Variants in CARMIL1 observed in about 807,000 individuals in gnomAD.
CARMIL1 encodes F-actin-uncapping protein LRRC16A.
A neutral mutation model predicts 177.1 loss-of-function variants in CARMIL1; 90 were observed. The ratio of observed to expected loss-of-function variants is 0.51; its 90% CI spans 0.43 to 0.61. The LOEUF is 0.61. CARMIL1 is among the 20% of genes least tolerant of loss of function. The pLI is 0.00. For synonymous variants in CARMIL1, 577 were observed against 606.2 expected (o/e 0.95, Z 0.71); for missense variants, 1,380 against 1,667.0 (o/e 0.83, Z 3.00).
At chr6:25,610,781 C>A (rs1042993047) in intron 36 of CARMIL1, among the ~76,000 whole-genome samples, 1 of 152,178 alleles carries the variant, frequency 6.6e-6, no homozygotes, top group Non-Finnish European at 1.5e-5. Context: ...TGCTTTCTTC[C>A]CAAATCAGAC....
chr6:25,444,247 C>T (rs1798016269), intron 5 of CARMIL1, among the ~76,000 whole-genome samples: 1 of 151,898 alleles, frequency 6.6e-6, no homozygotes, highest in South Asian at 2.1e-4. Context: ...AGTCAATTGT[C>T]TTCAGCCCTC....
chr6:25,600,771 C>A (rs1815322441), intron 33 of CARMIL1, 25 bp downstream of exon 33: 3 of 1,449,116 alleles, frequency 2.1e-6, no homozygotes, highest in Non-Finnish European at 1.8e-6. Flanking sequence ...ATTTTTAATT[C>A]ATTCATTTAT....
At chr6:25,291,970 C>T (rs921862230) in intron 2 of CARMIL1, among the ~76,000 whole-genome samples, 4 of 152,212 alleles carry the variant, frequency 2.6e-5, no homozygotes, top group Non-Finnish European at 4.4e-5. Flanking sequence ...GTTATCCTGG[C>T]AGCACAGTGT....
At chr6:25,585,967 C>A (rs994015707) in intron 31 of CARMIL1, among the ~76,000 whole-genome samples, 2 of 152,224 alleles carry the variant, frequency 1.3e-5, no homozygotes, top group Non-Finnish European at 2.9e-5. Flanking sequence ...GACACAGCAA[C>A]AATCTGATTT....
At chr6:25,418,344 T>C (rs1337581600) in intron 2 of CARMIL1, among the ~76,000 whole-genome samples, 1 of 152,190 alleles carries the variant, frequency 6.6e-6, no homozygotes, top group African/African-American at 2.4e-5. Context: ...TTTCCCTGCA[T>C]TGGGTTAATG....
intron 2 of CARMIL1, among the ~76,000 whole-genome samples, chr6:25,316,073 CG>C (rs2150223457): frequency 6.6e-6 from 1 of 152,274 alleles, no homozygotes; most frequent in Non-Finnish European, 1.5e-5. Flanking sequence ...TTAGTAATGA[CG>C]TTGGTGCTGA....
At chr6:25,377,063 C>T (rs946298748) in intron 2 of CARMIL1, among the ~76,000 whole-genome samples, 1 of 152,206 alleles carries the variant, frequency 6.6e-6, no homozygotes, top group South Asian at 2.1e-4. Context: ...GACTGTACCC[C>T]TCATCCAAGC....
At chr6:25,284,714 A>T in intron 1 of CARMIL1, 98 bp from the exon 2 acceptor site, 2 of 693,038 alleles carry the variant, frequency 2.9e-6, no homozygotes, top group South Asian at 3.6e-5. Flanking sequence ...GTCTCAAAAG[A>T]CAACAACAGT....
In CARMIL1 at chr6:25,620,219, T is replaced by G. The variant is rs1276604354; in HGVS notation, c.*636T>G. 1 of 152,510 alleles carries G rather than the reference T, an allele frequency of 6.6e-6. No individual in the cohort carries two copies. The highest frequency in any genetic ancestry group is 1.9e-4 in the East Asian group (1 of 5,200). The allele number at this position is 152,510 out of a possible 1,614,324, so 9.4% of individuals were successfully genotyped here. A position where few individuals can be genotyped will look rare whatever the true frequency, so the allele number is the denominator to read the frequency against. On this transcript the variant is annotated 3_prime_UTR_variant, in exon 37 of 37. Coordinates refer to ENST00000329474, the MANE Select transcript of CARMIL1 (RefSeq NM_017640.6). ...TACATTTAAAGCTTGGTCGGTGACC[T>G]TTGCATACCATCAACGAGCACAGCT...
intron 2 of CARMIL1, among the ~76,000 whole-genome samples, chr6:25,406,651 G>A (rs185167213): frequency 6.6e-6 from 1 of 152,228 alleles, no homozygotes; most frequent in Admixed American, 6.5e-5. Flanking sequence ...CTTGGAGAAT[G>A]ACTAAGATAG....
At position 25,458,941 on chromosome 6, in the gene CARMIL1, TC is replaced by T. The variant is rs1799767099; in HGVS notation, c.615-6930del. ...GCTATTTTCATATGCTTAAAGGTCT[TC>T]CTTTTTTTTAAATGAACAATTATCT... On this transcript the variant is annotated intron_variant, in intron 8 of 36. Transcript: ENST00000329474. Among the ~76,000 whole-genome samples, 4 of 152,294 alleles carry T rather than the reference TC, an allele frequency of 2.6e-5. No individual in the cohort carries two copies. The South Asian group carries it at 8.3e-4, about 32-fold the overall frequency.
At chr6:25,591,414 C>T (rs1043438049) in intron 31 of CARMIL1, among the ~76,000 whole-genome samples, 1 of 152,220 alleles carries the variant, frequency 6.6e-6, no homozygotes, top group African/African-American at 2.4e-5. Context: ...AAAAGCCTTT[C>T]TCTGAGTGCA....
In CARMIL1 at chr6:25,303,098, C is replaced by A. The variant is rs866864691; in HGVS notation, c.138+18189C>A. Among the ~76,000 whole-genome samples, 12 of 149,606 alleles carry A rather than the reference C, an allele frequency of 8.0e-5. No homozygotes were observed. In the South Asian group the frequency reaches 2.5e-3, roughly 32 times the overall value. On this transcript the variant is annotated intron_variant, in intron 2 of 36. Transcript: ENST00000329474. Reference sequence around the variant, plus strand: ...ATGAGAGAGAAATTGCATGTACTTTCAACTTTTGGCTGGTTATAGGCATCT... The same window carrying A: ...ATGAGAGAGAAATTGCATGTACTTTAAACTTTTGGCTGGTTATAGGCATCT...
chr6:25,439,485 G>C (rs1286333649), intron 5 of CARMIL1, among the ~76,000 whole-genome samples: 1 of 152,220 alleles, frequency 6.6e-6, no homozygotes, highest in Non-Finnish European at 1.5e-5. Context: ...ACTAGGAAGA[G>C]CCACAAATGG....
chr6:25,596,374 T>C (rs530645942), intron 32 of CARMIL1, among the ~76,000 whole-genome samples: 1 of 152,252 alleles, frequency 6.6e-6, no homozygotes, highest in East Asian at 1.9e-4. Context: ...AATCATGAAG[T>C]AGTACGAAGA....
intron 24 of CARMIL1, among the ~76,000 whole-genome samples, chr6:25,532,192 G>A (rs1052050519): frequency 6.6e-5 from 10 of 151,224 alleles, no homozygotes; most frequent in African/African-American, 1.7e-4. Context: ...CTCTGCCTCC[G>A]GGTTCAAGCG....
At chr6:25,497,610 C>T (rs1271238274) in intron 16 of CARMIL1, among the ~76,000 whole-genome samples, 1 of 152,168 alleles carries the variant, frequency 6.6e-6, no homozygotes, top group Non-Finnish European at 1.5e-5. Flanking sequence ...CTGCTCTCAG[C>T]CAGCTGTCAT....
chr6:25,452,063 T>A (rs1440681708), intron 8 of CARMIL1: 10 of 595,884 alleles, frequency 1.7e-5, no homozygotes, highest in Middle Eastern at 5.8e-4. Context: ...AATTGCAGTG[T>A]GGTCCCTGAA....
At chr6:25,594,107 C>T (rs929127076) in intron 31 of CARMIL1, among the ~76,000 whole-genome samples, 12 of 152,286 alleles carry the variant, frequency 7.9e-5, no homozygotes, top group South Asian at 2.1e-4. Flanking sequence ...CCTTACCACA[C>T]GCCTGCAGTG....
Sources: allele counts gnomAD v4.1 joint callset (sites outside exome capture counted in the v4.1 genomes callset), GRCh38; gene constraint gnomAD v4.1.1; transcripts MANE v1.5; gene names NCBI Gene and HGNC (gene_info 2026-07-23, HGNC 2026-07-21).